SYN3: variants seen among roughly 807,000 people sequenced by gnomAD.
SYN3 encodes the protein synapsin III.
Under a neutral mutation model 65.8 loss-of-function variants are expected in SYN3, and 35 were observed. That is an observed-to-expected ratio of 0.53 (90% CI 0.41 to 0.70). SYN3 has a LOEUF of 0.70. Ranked by LOEUF, SYN3 falls within the 30% of genes least tolerant of loss-of-function variation. The probability of loss-of-function intolerance (pLI) is 0.00; values close to 1 mark genes in which losing one functional copy is unlikely to be tolerated. For missense variants in SYN3, 680 were observed against 749.0 expected, an observed-to-expected ratio of 0.91 and a Z score of 1.08; for synonymous variants, 270 against 292.9, an observed-to-expected ratio of 0.92 and a Z score of 0.80.
At chr22:32,570,598 G>A (rs1261126626) in intron 7 of SYN3, among the ~76,000 whole-genome samples, 1 of 152,024 alleles carries the variant, frequency 6.6e-6, no homozygotes, top group African/African-American at 2.4e-5. Flanking sequence ...AGGGTGGGGT[G>A]CTGAGAAGTG....
intron 3 of SYN3, among the ~76,000 whole-genome samples, chr22:32,940,843 AG>A (rs1476899282): frequency 1.1e-4 from 16 of 152,242 alleles, no homozygotes; most frequent in Non-Finnish European, 1.9e-4. Flanking sequence ...ACAGGAGCAA[AG>A]GCAAGATAGG....
At chr22:32,647,925 G>A (rs189104351) in intron 6 of SYN3, among the ~76,000 whole-genome samples, 39 of 152,120 alleles carry the variant, frequency 2.6e-4, no homozygotes, top group Non-Finnish European at 5.1e-4. Context: ...TTTTGGTAGA[G>A]ATGGAGTCTC....
At chr22:33,000,665 G>A (rs2053033658) in intron 2 of SYN3, among the ~76,000 whole-genome samples, 1 of 152,204 alleles carries the variant, frequency 6.6e-6, no homozygotes, top group Non-Finnish European at 1.5e-5. Context: ...GTTGGGGTTG[G>A]GGTGGGTTCA....
At chr22:32,578,494 C>T (rs910036657) in intron 7 of SYN3, among the ~76,000 whole-genome samples, 1 of 152,328 alleles carries the variant, frequency 6.6e-6, no homozygotes, top group South Asian at 2.1e-4. Flanking sequence ...AAGCTATCCA[C>T]CTGCCTCTGC....
chr22:32,740,410 G>C (rs924854115), intron 6 of SYN3, among the ~76,000 whole-genome samples: 1 of 152,200 alleles, frequency 6.6e-6, no homozygotes, highest in Non-Finnish European at 1.5e-5. Flanking sequence ...CCCTTTGAGG[G>C]AACTGGTCAC....
intron 3 of SYN3, among the ~76,000 whole-genome samples, chr22:32,939,427 ATT>A: frequency 6.6e-6 from 1 of 152,316 alleles, no homozygotes; most frequent in East Asian, 1.9e-4. Flanking sequence ...AGCTTGATGA[ATT>A]TTCATTTATT....
At chr22:32,746,127 T>A (rs1328933014) in intron 6 of SYN3, among the ~76,000 whole-genome samples, 1 of 152,188 alleles carries the variant, frequency 6.6e-6, no homozygotes, top group Non-Finnish European at 1.5e-5. Context: ...GACGGTCAGT[T>A]CACAGAGTTG....
At position 32,557,638 on chromosome 22, in the gene SYN3, T is replaced by A. The variant is rs1272014633; in HGVS notation, c.775-15925A>T. ...AACTGGAAATAATTTATGAGCCAAC[T>A]GTTTCTAGGCAGCAGAAATAGGCAA... On this transcript the variant is annotated intron_variant, in intron 7 of 13. Transcript: ENST00000358763. Among the ~76,000 whole-genome samples, 3 of 152,200 alleles carry A rather than the reference T, an allele frequency of 2.0e-5. No individual in the cohort carries two copies. In the East Asian group the frequency reaches 5.8e-4, roughly 29 times the overall value.
intron 7 of SYN3, among the ~76,000 whole-genome samples, chr22:32,553,614 C>G (rs1308885418): frequency 1.5e-5 from 2 of 133,418 alleles, no homozygotes; most frequent in South Asian, 5.4e-4. Context: ...CAGACTCACC[C>G]ATGTATTATA....
chr22:32,538,022 C>T lies in SYN3; in HGVS notation c.992+14G>A. The T allele has an allele frequency of 1.2e-6, 2 of 1,613,520 alleles. No homozygotes were observed. The highest frequency in any genetic ancestry group is 1.3e-5 in the African/African-American group (1 of 75,032). On this transcript the variant is annotated intron_variant, in intron 9 of 13. Coordinates refer to ENST00000358763, the MANE Select transcript of SYN3 (RefSeq NM_003490.4). ...ATGGCCAGTGCCTCTCCCTACACCT[C>T]CTTTGTCTCTTACCTCTCTGTCATG...
At chr22:32,897,301 C>G (rs2049621758) in intron 4 of SYN3, among the ~76,000 whole-genome samples, 1 of 152,184 alleles carries the variant, frequency 6.6e-6, no homozygotes, top group African/African-American at 2.4e-5. Context: ...AGCTAAGGCC[C>G]ACACTTAGGG....
intron 6 of SYN3, among the ~76,000 whole-genome samples, chr22:32,803,568 G>A (rs1454458280): frequency 6.6e-6 from 1 of 152,198 alleles, no homozygotes; most frequent in Non-Finnish European, 1.5e-5. Flanking sequence ...TTTGTGGATT[G>A]CTTAGAAAGA....
chr22:32,578,938 T>A (rs1222247072), intron 7 of SYN3, among the ~76,000 whole-genome samples: 3 of 152,226 alleles, frequency 2.0e-5, no homozygotes, highest in Admixed American at 6.5e-5. Flanking sequence ...AGCAGGGCCA[T>A]GTTATAATAA....
intron 6 of SYN3, among the ~76,000 whole-genome samples, chr22:32,680,660 T>A (rs1184325311): frequency 2.0e-5 from 3 of 152,236 alleles, no homozygotes; most frequent in Admixed American, 6.5e-5. Context: ...GTAGGTTTCA[T>A]CCTTTGGATT....
rs1218069134 is a variant in SYN3 at position 32,651,420 on chromosome 22, GGTT to G, written c.712-54687_712-54685del. Among the ~76,000 whole-genome samples, 9 of 152,072 alleles carry G rather than the reference GGTT, an allele frequency of 5.9e-5. No individual in the cohort carries two copies. In the East Asian group the frequency reaches 1.5e-3, roughly 26 times the overall value. Reference sequence around the variant, plus strand: ...AGGTCTCCAGCTGGCCTCTGGGTAGGGTTGTTATTTTCGATGGTGTGGCTAACA... The same window carrying G: ...AGGTCTCCAGCTGGCCTCTGGGTAGGGTTATTTTCGATGGTGTGGCTAACA... On this transcript the variant is annotated intron_variant, in intron 6 of 13. Transcript: ENST00000358763.
intron 4 of SYN3, among the ~76,000 whole-genome samples, chr22:32,914,441 T>G (rs905530037): frequency 1.4e-5 from 2 of 146,382 alleles, no homozygotes; most frequent in African/African-American, 5.2e-5. Context: ...ATGTGGAGTT[T>G]TTTTTTTTTT....
At chr22:32,696,432 C>G (rs919377759) in intron 6 of SYN3, among the ~76,000 whole-genome samples, 1 of 152,156 alleles carries the variant, frequency 6.6e-6, no homozygotes, top group African/African-American at 2.4e-5. Context: ...TCATCTTAGC[C>G]CATAGCCATT....
chr22:32,748,009 T>G (rs1322119847), intron 6 of SYN3, among the ~76,000 whole-genome samples: 1 of 152,206 alleles, frequency 6.6e-6, no homozygotes, highest in Non-Finnish European at 1.5e-5. Context: ...AGCCTGGACA[T>G]GGCCTCGTGT....
At chr22:32,602,935 C>T (rs2059306383) in intron 6 of SYN3, among the ~76,000 whole-genome samples, 1 of 151,732 alleles carries the variant, frequency 6.6e-6, no homozygotes, top group Non-Finnish European at 1.5e-5. Flanking sequence ...CAGGCCAGTC[C>T]AGGAGATTTT....
Sources: allele counts gnomAD v4.1 joint callset (sites outside exome capture counted in the v4.1 genomes callset), GRCh38; gene constraint gnomAD v4.1.1; transcripts MANE v1.5; gene names NCBI Gene and HGNC (gene_info 2026-07-23, HGNC 2026-07-21).